The following MSRB3 variants were observed in gnomAD, a reference collection of about 807,000 sequenced individuals.
MSRB3 encodes methionine-R-sulfoxide reductase B3.
A neutral mutation model predicts 21.0 loss-of-function variants in MSRB3; 13 were observed. The observed-to-expected ratio is 0.62, with a 90% CI of 0.40 to 0.98. The LOEUF (loss-of-function observed/expected upper bound fraction) is 0.98, where lower values mean the gene tolerates loss of function less well. MSRB3 is among the 50% of genes least tolerant of loss of function. MSRB3 has a pLI of 0.00. For missense variants in MSRB3, 199 were observed against 230.3 expected, an observed-to-expected ratio of 0.86 and a Z score of 0.88; for synonymous variants, 87 against 88.6, an observed-to-expected ratio of 0.98 and a Z score of 0.10.
chr12:65,307,414 G>A (rs757418387), intron 1 of MSRB3, among the ~76,000 whole-genome samples: 11 of 152,134 alleles, frequency 7.2e-5, no homozygotes, highest in Non-Finnish European at 1.5e-4. Context: ...TTTATTATAT[G>A]TTTGTTCTTC....
chr12:65,371,675 G>A (rs1592574403), intron 5 of MSRB3, among the ~76,000 whole-genome samples: 1 of 151,992 alleles, frequency 6.6e-6, no homozygotes, highest in African/African-American at 2.4e-5. Context: ...AGAGCTTACC[G>A]CACAACATTT....
chr12:65,434,565 T>C (rs542043926), intron 5 of MSRB3, among the ~76,000 whole-genome samples: 2 of 151,966 alleles, frequency 1.3e-5, no homozygotes, highest in East Asian at 3.9e-4. Context: ...GAAAAAGATA[T>C]TAATAAGCGT....
At chr12:65,358,497 T>C (rs1324376856) in intron 4 of MSRB3, among the ~76,000 whole-genome samples, 1 of 152,056 alleles carries the variant, frequency 6.6e-6, no homozygotes, top group Non-Finnish European at 1.5e-5. Context: ...TGAGAGCTTT[T>C]TCAGTTGGCT....
intron 5 of MSRB3, among the ~76,000 whole-genome samples, chr12:65,385,456 A>G (rs528867819): frequency 1.3e-5 from 2 of 152,130 alleles, no homozygotes; most frequent in Admixed American, 6.5e-5. Flanking sequence ...CTTTAATTAG[A>G]TATCTTATAG....
At chr12:65,341,241 A>T (rs1168627773) in intron 4 of MSRB3, among the ~76,000 whole-genome samples, 1 of 152,138 alleles carries the variant, frequency 6.6e-6, no homozygotes, top group Non-Finnish European at 1.5e-5. Flanking sequence ...AATGAGATTC[A>T]GTTATTTGCA....
At position 65,453,865 on chromosome 12, in the gene MSRB3, A is replaced by G. The variant is rs762850720; in HGVS notation, c.390+40A>G. On this transcript the variant is annotated intron_variant, in intron 6 of 6. Coordinates refer to ENST00000308259, the MANE Select transcript of MSRB3 (RefSeq NM_001031679.3). ...TCTGAAAACCCAATACATTGCTTTCAGGACTCCTGGTTGTGCTAAATATAG... is the reference window on the plus strand; with the variant it reads ...TCTGAAAACCCAATACATTGCTTTCGGGACTCCTGGTTGTGCTAAATATAG... 7 of 1,523,624 alleles carry G rather than the reference A, an allele frequency of 4.6e-6. No individual in the cohort carries two copies. The South Asian group carries it at 5.6e-5, about 12-fold the overall frequency. 94.4% of individuals were successfully genotyped at this position (1,523,624 alleles called of 1,614,324 possible).
intron 4 of MSRB3, among the ~76,000 whole-genome samples, chr12:65,356,989 G>A (rs530095683): frequency 4.2e-4 from 64 of 151,518 alleles, no homozygotes; most frequent in African/African-American, 1.4e-3. Flanking sequence ...ATCCTGTGTC[G>A]GACCATGCAG....
intron 2 of MSRB3, among the ~76,000 whole-genome samples, chr12:65,313,567 G>T (rs1452564446): frequency 6.6e-6 from 1 of 151,890 alleles, no homozygotes; most frequent in Non-Finnish European, 1.5e-5. Context: ...TCTTCAAAGG[G>T]GGTTCTTTGA....
chr12:65,327,608 T>C (rs1875135373), intron 3 of MSRB3, among the ~76,000 whole-genome samples: 1 of 152,220 alleles, frequency 6.6e-6, no homozygotes. Flanking sequence ...TTGTCTAATT[T>C]ATACCATGGA....
At chr12:65,381,273 G>A (rs1878925475) in intron 5 of MSRB3, among the ~76,000 whole-genome samples, 1 of 152,144 alleles carries the variant, frequency 6.6e-6, no homozygotes, top group African/African-American at 2.4e-5. Flanking sequence ...GACAGGAGGT[G>A]AAAGTACTTA....
intron 4 of MSRB3, among the ~76,000 whole-genome samples, chr12:65,360,979 AT>A (rs573431870): frequency 8.9e-4 from 135 of 151,960 alleles, no homozygotes; most frequent in African/African-American, 3.1e-3. Flanking sequence ...CTATTCTCTT[AT>A]TTTTTTCCTA....
chr12:65,415,918 A>G (rs1426035986), intron 5 of MSRB3, among the ~76,000 whole-genome samples: 1 of 152,188 alleles, frequency 6.6e-6, no homozygotes, highest in African/African-American at 2.4e-5. Flanking sequence ...TCTAAGACCA[A>G]CACCTAAGGA....
rs373151716 is a variant in MSRB3 at position 65,347,051 on chromosome 12, T to G, written c.263+18448T>G. On this transcript the variant is annotated intron_variant, in intron 4 of 6. Coordinates refer to ENST00000308259, the MANE Select transcript of MSRB3 (RefSeq NM_001031679.3). Reference sequence around the variant, plus strand: ...TCAGCTTTGTTCTTTTGGCTTAGGATTGCCTTGGCAATGTGGGCTCTGTTT... The same window carrying G: ...TCAGCTTTGTTCTTTTGGCTTAGGAGTGCCTTGGCAATGTGGGCTCTGTTT... Among the ~76,000 whole-genome samples the G allele has an allele frequency of 2.8e-3, 421 of 152,314 alleles. 6 individuals carry two copies. Among genetic ancestry groups the G allele is most frequent in the South Asian group, 0.021 (100 of 4,818 alleles).
chr12:65,278,803 C>G lies in MSRB3; in HGVS notation c.-114C>G. 6.4e-7 allele frequency: 1 copy of G among 1,571,304 alleles called. No individual in the cohort carries two copies. The highest frequency in any genetic ancestry group is 1.2e-5 in the South Asian group (1 of 85,528). ...CGGCGGACCCTCCCGCGCCCCCTCT[C>G]GCTCTGCCTCTCCCTCTGCCTCTGC... On this transcript the variant is annotated 5_prime_UTR_variant, in exon 1 of 7. Coordinates refer to ENST00000308259, the MANE Select transcript of MSRB3 (RefSeq NM_001031679.3).
At chr12:65,352,270 A>G (rs1877061508) in intron 4 of MSRB3, among the ~76,000 whole-genome samples, 1 of 152,026 alleles carries the variant, frequency 6.6e-6, no homozygotes, top group African/African-American at 2.4e-5. Context: ...ACAACCCTTC[A>G]TGCTAAAAAC....
chr12:65,321,336 A>G (rs1393146988), intron 2 of MSRB3, among the ~76,000 whole-genome samples: 1 of 152,156 alleles, frequency 6.6e-6, no homozygotes, highest in African/African-American at 2.4e-5. Flanking sequence ...ACTAATGTAT[A>G]TATCTTACTT....
chr12:65,393,407 G>A (rs554356867), intron 5 of MSRB3, among the ~76,000 whole-genome samples: 4 of 152,158 alleles, frequency 2.6e-5, no homozygotes, highest in Non-Finnish European at 5.9e-5. Flanking sequence ...GCCGAGGTGG[G>A]TGAATCACGA....
chr12:65,445,094 T>C (rs1882553241), intron 5 of MSRB3, among the ~76,000 whole-genome samples: 2 of 152,164 alleles, frequency 1.3e-5, no homozygotes, highest in African/African-American at 4.8e-5. Context: ...AATGTATCTC[T>C]AGCATGATTC....
intron 2 of MSRB3, chr12:65,308,859 C>A: frequency 1.5e-6 from 1 of 677,982 alleles, no homozygotes; most frequent in Non-Finnish European, 2.5e-6. Flanking sequence ...GGAACATTGT[C>A]CAGTTTCCTT....
Sources: gnomAD v4.1 joint callset for allele counts (sites outside exome capture counted in the v4.1 genomes callset) on GRCh38, gnomAD v4.1.1 for gene constraint, MANE v1.5 for transcripts, NCBI Gene and HGNC (gene_info 2026-07-23, HGNC 2026-07-21) for gene names.